FAAP20: variants seen among roughly 807,000 people sequenced by gnomAD.
FAAP20 encodes the protein Fanconi anemia core complex-associated protein 20.
A neutral mutation model predicts 16.2 loss-of-function variants in FAAP20; 12 were observed. The ratio of observed to expected loss-of-function variants is 0.74; its 90% CI spans 0.48 to 1.20. The LOEUF (loss-of-function observed/expected upper bound fraction) is 1.20, where lower values mean the gene tolerates loss of function less well. Among genes scored for constraint, FAAP20 ranks in the 50% most tolerant of loss-of-function variants. The probability of loss-of-function intolerance (pLI) is 0.00; values close to 1 mark genes in which losing one functional copy is unlikely to be tolerated. For missense variants in FAAP20, 288 were observed against 245.8 expected (o/e 1.17, Z -1.15); for synonymous variants, 141 against 110.7 (o/e 1.27, Z -1.72).
At chr1:2,200,949 G>C, upstream of FAAP20, 1 of 1,203,554 alleles carries the variant, frequency 8.3e-7, no homozygotes. Flanking sequence ...TTTGTCCCCA[G>C]TTCAGCACGT....
intron 3 of FAAP20, chr1:2,190,494 T>G (rs1572101750): frequency 2.3e-6 from 1 of 442,692 alleles, no homozygotes; most frequent in South Asian, 1.6e-5. Flanking sequence ...CCCGGCCTCA[T>G]GTGGCCCCAT....
chr1:2,211,435 A>ATTTT (rs1164460550), downstream of FAAP20, among the ~76,000 whole-genome samples: 1 of 8,564 alleles, frequency 1.2e-4, no homozygotes, highest in Admixed American at 2.9e-3. Context: ...ATATATATAT[A>ATTTT]TTTTTTTTTT....
chr1:2,209,010 C>G (rs1689363229), downstream of FAAP20, among the ~76,000 whole-genome samples: 1 of 152,232 alleles, frequency 6.6e-6, no homozygotes, highest in African/African-American at 2.4e-5. Flanking sequence ...CACCCAGCAG[C>G]TGCTCCACCC....
downstream of FAAP20, chr1:2,187,030 C>T (rs557642408): frequency 2.0e-5 from 7 of 352,024 alleles, no homozygotes; most frequent in Non-Finnish European, 2.4e-5. Flanking sequence ...CCGGTCACGA[C>T]GGTGTCTTTT....
rs764940508 is a variant in FAAP20 at position 2,193,744 on chromosome 1, G to A, written c.365C>T (p.Pro122Leu). The A allele has an allele frequency of 8.5e-5, 135 of 1,591,118 alleles. No individual in the cohort carries two copies. In the African/African-American group the frequency reaches 1.5e-3, roughly 18 times the overall value. Reference sequence around the variant, plus strand: ...GGGGGCCCTGCAGGGATCAGGTGCCGGGCGCTGGGGCAGGGACCTGGCGGG... The same window carrying A: ...GGGGGCCCTGCAGGGATCAGGTGCCAGGCGCTGGGGCAGGGACCTGGCGGG... Reference protein sequence around the residue: ...ESPARSLPQRPAPDPCRAPRV... With the variant: ...ESPARSLPQRLAPDPCRAPRV... Residue 122 changes from proline to leucine, a missense_variant, in exon 3 of 4, where the codon CCG becomes CTG. Physicochemically the swap from Pro to Leu is moderately conservative, Grantham distance 98. Coordinates refer to ENST00000378546, the MANE Select transcript of FAAP20 (RefSeq NM_182533.4).
downstream of FAAP20, chr1:2,184,487 A>T: frequency 1.2e-6 from 1 of 839,194 alleles, no homozygotes. Context: ...TGACTTTCTC[A>T]CTGTTTCATT....
rs373976232 is a variant in FAAP20, at chr1:2,194,098, C to T, written c.98G>A (p.Gly33Asp). 55 of 1,612,258 alleles carry T rather than the reference C, an allele frequency of 3.4e-5. No homozygotes were observed. The highest frequency in any genetic ancestry group is 4.1e-5 in the Non-Finnish European group (48 of 1,179,866). The change falls in exon 2 of 4, where the codon GGT becomes GAT. Residue 33 changes from glycine (G) to aspartate (D), a missense_variant. Transcript: ENST00000378546. ...SGGRPWFLLG[G>D]DERERLWAEL... ...GGCCCAGAGCCGCTCCCGCTCATCA[C>T]CCCCCAGGAGAAACCAGGGGCGGCC...
upstream of FAAP20, among the ~76,000 whole-genome samples, chr1:2,197,230 C>G (rs1342050420): frequency 6.6e-6 from 1 of 152,236 alleles, no homozygotes; most frequent in Non-Finnish European, 1.5e-5. Flanking sequence ...GCGGGAGGAC[C>G]CAGCCCCCAC....
chr1:2,197,976 A>G (rs1368346237), upstream of FAAP20: 3 of 1,277,520 alleles, frequency 2.3e-6, no homozygotes, highest in Non-Finnish European at 3.1e-6. Context: ...CTCTCAAGAC[A>G]AGGAAGCATG....
At position 2,194,693 on chromosome 1, in the gene FAAP20, C is replaced by T. The variant is rs905859328; in HGVS notation, c.57G>A (p.Ala19=). ...CGCCCGGCTCCCGGCCTCACCCGCC[C>T]GCCGGGCGCGGCCTCCGGCGGCTCA... ...LGLSRRRPRP[A]GGPSGGRPWF... The change falls in exon 1 of 4, where the codon GCG becomes GCA. Residue 19 remains alanine, a synonymous_variant. Coordinates refer to ENST00000378546, the MANE Select transcript of FAAP20 (RefSeq NM_182533.4). 1.0e-5 allele frequency: 12 copies of T among 1,159,388 alleles called. No individual in the cohort carries two copies. Among genetic ancestry groups the T allele is most frequent in the Non-Finnish European group, 1.2e-5 (11 of 943,940 alleles). 71.8% of individuals were successfully genotyped at this position (1,159,388 alleles called of 1,614,324 possible). A position where few individuals can be genotyped will look rare whatever the true frequency, so the allele number is the denominator to read the frequency against.
upstream of FAAP20, chr1:2,197,999 A>G (rs1419610129): frequency 7.8e-7 from 1 of 1,287,166 alleles, no homozygotes; most frequent in Non-Finnish European, 1.0e-6. Flanking sequence ...CACCTCCAAC[A>G]AACATACCTT....
chr1:2,211,226 C>CTTTTTTTTTTTTTTTTTTTTTTTT (rs56294751), downstream of FAAP20, among the ~76,000 whole-genome samples: 2 of 101,136 alleles, frequency 2.0e-5, no homozygotes, highest in African/African-American at 9.2e-5. Context: ...TTCTTTCTTT[C>CTTTTTTTTTTTTTTTTTTTTTTTT]TTTTTTTTTT....
At chr1:2,197,991 C>T, upstream of FAAP20, 2 of 1,283,916 alleles carry the variant, frequency 1.6e-6, no homozygotes, top group Non-Finnish European at 2.0e-6. Flanking sequence ...AGCATGTTCA[C>T]CTCCAACAAA....
chr1:2,186,457 T>C (rs1687600644), downstream of FAAP20, among the ~76,000 whole-genome samples: 3 of 151,032 alleles, frequency 2.0e-5, no homozygotes, highest in Admixed American at 1.3e-4. Context: ...CTGGGCATAC[T>C]GCCGGCCCAT....
downstream of FAAP20, among the ~76,000 whole-genome samples, chr1:2,211,421 ATATATATATATATATTTTTTTTTT>A (rs1317343360): frequency 2.6e-4 from 5 of 18,968 alleles, no homozygotes; most frequent in Non-Finnish European, 4.1e-4. Flanking sequence ...ATATATATAT[ATATATATATATATATTTTTTTTTT>A]TTTTTTTTTT....
downstream of FAAP20, chr1:2,186,158 GTGGAAATTGC>G (rs1342835232): frequency 2.3e-6 from 1 of 438,972 alleles, no homozygotes. Flanking sequence ...GTGCACAGGT[GTGGAAATTGC>G]CACGCAGCCC....
chr1:2,211,208 TTTTC>T (rs1303229472), downstream of FAAP20, among the ~76,000 whole-genome samples: 2 of 147,920 alleles, frequency 1.4e-5, no homozygotes, highest in South Asian at 2.1e-4. Context: ...GTTTCTTTTC[TTTTC>T]TTTTTCTTTC....
downstream of FAAP20, chr1:2,185,549 A>G (rs778290225): frequency 1.4e-6 from 1 of 712,590 alleles, no homozygotes; most frequent in African/African-American, 1.8e-5. Context: ...ATTGTTTCCT[A>G]AAAACCCCGG....
upstream of FAAP20, chr1:2,200,522 C>T (rs1489254755): frequency 1.6e-6 from 1 of 644,076 alleles, no homozygotes; most frequent in Non-Finnish European, 1.9e-6. Context: ...GGGCAGGCAG[C>T]AGCCACCCAG....
Sources: gnomAD v4.1 joint callset for allele counts (sites outside exome capture counted in the v4.1 genomes callset) on GRCh38, gnomAD v4.1.1 for gene constraint, MANE v1.5 for transcripts, NCBI Gene and HGNC (gene_info 2026-07-23, HGNC 2026-07-21) for gene names.